RASSF3: variants seen among roughly 807,000 people sequenced by gnomAD.
RASSF3 encodes the protein Ras association domain family member 3, also known as ras association domain-containing protein 3.
A neutral mutation model predicts 19.9 loss-of-function variants in RASSF3; 19 were observed. The ratio of observed to expected loss-of-function variants is 0.96; its 90% CI spans 0.67 to 1.40. RASSF3 has a LOEUF of 1.40. Ranked by LOEUF, RASSF3 falls within the 40% of genes most tolerant of loss-of-function variation. The probability of loss-of-function intolerance (pLI) is 0.00; values close to 1 mark genes in which losing one functional copy is unlikely to be tolerated. For missense variants in RASSF3, 306 were observed against 289.8 expected (o/e 1.06, Z -0.41); for synonymous variants, 110 against 104.2 (o/e 1.06, Z -0.34).
At chr12:64,605,511 ATAT>A (rs1231022209), upstream of RASSF3, among the ~76,000 whole-genome samples, 7 of 152,164 alleles carry the variant, frequency 4.6e-5, no homozygotes, top group Admixed American at 2.6e-4. Context: ...CGTGGCAGAA[ATAT>A]TATGAGAGAT....
chr12:64,645,543 A>T (rs986365789), intron 1 of RASSF3, among the ~76,000 whole-genome samples: 21 of 151,456 alleles, frequency 1.4e-4, no homozygotes, highest in South Asian at 8.3e-4. Flanking sequence ...AAATAAAGAA[A>T]TTTTTTTTTA....
intron 1 of RASSF3, among the ~76,000 whole-genome samples, chr12:64,625,977 G>A (rs537701345): frequency 2.0e-5 from 3 of 152,206 alleles, no homozygotes; most frequent in South Asian, 2.1e-4. Context: ...GGCCGGATGC[G>A]CCTTCTGAGT....
chr12:64,655,533 A>C (rs973837841), intron 1 of RASSF3, among the ~76,000 whole-genome samples: 1 of 152,006 alleles, frequency 6.6e-6, no homozygotes, highest in Non-Finnish European at 1.5e-5. Flanking sequence ...AGGCTGTCTC[A>C]AACTCCTGGC....
In RASSF3 at chr12:64,688,366, G is replaced by C; in HGVS notation, c.370G>C (p.Val124Leu). 1 of 1,614,234 alleles carries C rather than the reference G, an allele frequency of 6.2e-7. No homozygotes were observed. The highest frequency in any genetic ancestry group is 2.2e-5 in the East Asian group (1 of 44,888). ...CAGCAGCACAAACACTGTCGGGGAA[G>C]TGATCGAGGCCCTGCTCAAAAAGTT... ...HISSTNTVGEVIEALLKKFLV... is the reference protein window; with the variant it reads ...HISSTNTVGELIEALLKKFLV... Residue 124 changes from valine to leucine, a missense_variant, in exon 3 of 5, where the codon GTG becomes CTG. Val to Leu is a conservative substitution (Grantham distance 32, BLOSUM62 1). Transcript: ENST00000542104.
At chr12:64,688,588 G>A in intron 3 of RASSF3, 135 bp downstream of exon 3, 1 of 721,900 alleles carries the variant, frequency 1.4e-6, no homozygotes, top group South Asian at 1.6e-5. Context: ...GGAAGCCATG[G>A]TGATCTTAGC....
At chr12:64,528,090 C>T (rs1034617899) in intron 1 of RASSF3, among the ~76,000 whole-genome samples, 6 of 152,046 alleles carry the variant, frequency 3.9e-5, no homozygotes, top group Admixed American at 1.3e-4. Flanking sequence ...GAGATCTTGT[C>T]TCTAAACACA....
intron 2 of RASSF3, among the ~76,000 whole-genome samples, chr12:64,595,013 C>T (rs969777756): frequency 3.4e-5 from 5 of 149,170 alleles, no homozygotes; most frequent in Non-Finnish European, 7.4e-5. Flanking sequence ...ATGCACACTA[C>T]ATACACACAA....
At chr12:64,542,920 G>A (rs931857534), downstream of RASSF3, among the ~76,000 whole-genome samples, 2 of 152,172 alleles carry the variant, frequency 1.3e-5, no homozygotes, top group Non-Finnish European at 2.9e-5. Context: ...AGTCTGCAGG[G>A]AGGTGTGGAG....
Position 64,691,267 on chromosome 12 carries a change from C to T in RASSF3, c.458-203C>T, listed in dbSNP as rs573002670. Among the ~76,000 whole-genome samples the T allele has an allele frequency of 2.6e-5, 4 of 152,294 alleles. No individual in the cohort carries two copies. In the South Asian group the frequency reaches 8.3e-4, roughly 32 times the overall value. On this transcript the variant is annotated intron_variant, in intron 3 of 4. Coordinates refer to ENST00000542104, the MANE Select transcript of RASSF3 (RefSeq NM_178169.4). Reference sequence around the variant, plus strand: ...AAAATAATTTCCTTCTTAATCAAGGCACAGTTTATATTTGAACAGAAACAG... The same window carrying T: ...AAAATAATTTCCTTCTTAATCAAGGTACAGTTTATATTTGAACAGAAACAG...
chr12:64,686,202 T>C (rs1200324820), intron 2 of RASSF3, among the ~76,000 whole-genome samples: 1 of 151,784 alleles, frequency 6.6e-6, no homozygotes, highest in Non-Finnish European at 1.5e-5. Context: ...TTTCCTTTCC[T>C]GATAGAGACT....
At position 64,599,904 on chromosome 12, in the gene RASSF3, C is replaced by T. The variant is rs184938216; in HGVS notation, c.294+58199C>T. 1.4e-3 allele frequency among the ~76,000 whole-genome samples: 217 copies of T among 151,772 alleles called. 1 individual carries two copies. The highest frequency in any genetic ancestry group is 3.4e-3 in the Middle Eastern group (1 of 292). On this transcript the variant is annotated intron_variant, in intron 2 of 5. Transcript: ENST00000637125. ...AAAATTAGCCGGGCGTGGTGGCGGG[C>T]GCCTGTAGTCCCAGCTCCTCGGGAG...
chr12:64,617,846 C>T (rs538714165), intron 1 of RASSF3, among the ~76,000 whole-genome samples: 13 of 152,226 alleles, frequency 8.5e-5, no homozygotes, highest in South Asian at 6.2e-4. Context: ...AATGAGCTAC[C>T]GTGCCCGGCC....
intron 1 of RASSF3, 82 bp downstream of exon 1, chr12:64,610,825 G>A: frequency 2.5e-6 from 2 of 795,264 alleles, no homozygotes; most frequent in South Asian, 1.9e-5. Context: ...GCCTCCACGT[G>A]TCTCTGCGGG....
chr12:64,690,680 C>T (rs1396216276), intron 3 of RASSF3, among the ~76,000 whole-genome samples: 2 of 150,826 alleles, frequency 1.3e-5, no homozygotes, highest in Admixed American at 1.3e-4. Context: ...AGACCAGGGT[C>T]CTGCTATGTT....
chr12:64,622,295 C>T (rs1442927411), intron 1 of RASSF3, among the ~76,000 whole-genome samples: 1 of 149,296 alleles, frequency 6.7e-6, no homozygotes, highest in Non-Finnish European at 1.5e-5. Context: ...CTCCTGAGCT[C>T]GTTATCCGCC....
chr12:64,515,871 A>G (rs1374107364), intron 1 of RASSF3, among the ~76,000 whole-genome samples: 1 of 152,190 alleles, frequency 6.6e-6, no homozygotes, highest in Non-Finnish European at 1.5e-5. Context: ...CTTTCAAGCT[A>G]GAAACACATG....
intron 1 of RASSF3, among the ~76,000 whole-genome samples, chr12:64,674,778 T>C (rs1872822012): frequency 6.6e-6 from 1 of 151,838 alleles, no homozygotes; most frequent in Non-Finnish European, 1.5e-5. Context: ...TGAACGCAGG[T>C]GAGGAGCAGG....
At chr12:64,636,179 C>T (rs1233065743) in intron 1 of RASSF3, among the ~76,000 whole-genome samples, 3 of 151,030 alleles carry the variant, frequency 2.0e-5, no homozygotes, top group East Asian at 2.0e-4. Context: ...TGCAGTGGTG[C>T]GATCTCTGCT....
At chr12:64,684,242 T>C (rs1244881) in intron 1 of RASSF3, among the ~76,000 whole-genome samples, 121,936 of 151,180 alleles carry the variant, frequency 0.81, 49,462 homozygotes, top group African/African-American at 0.87. Flanking sequence ...TGCACCACTG[T>C]GCCCAGCTAA....
Sources: allele counts gnomAD v4.1 joint callset (sites outside exome capture counted in the v4.1 genomes callset), GRCh38; gene constraint gnomAD v4.1.1; transcripts MANE v1.5; gene names NCBI Gene and HGNC (gene_info 2026-07-23, HGNC 2026-07-21).